Variants in NSMF observed in about 807,000 individuals in gnomAD.
NSMF encodes the protein nasal embryonic LHRH factor.
NSMF carries 31 observed loss-of-function variants against 71.0 expected under a neutral mutation model. That is an observed-to-expected ratio of 0.44 (90% CI 0.33 to 0.59). The LOEUF (loss-of-function observed/expected upper bound fraction) is 0.59. NSMF is among the 20% of genes least tolerant of loss of function. The pLI, the probability that NSMF is intolerant of heterozygous loss-of-function variation, is 0.04. For missense variants in NSMF, 673 were observed against 740.5 expected, an observed-to-expected ratio of 0.91 and a Z score of 1.06; for synonymous variants, 345 against 287.1, an observed-to-expected ratio of 1.20 and a Z score of -2.04.
chr9:137,455,760 C>A, intron 4 of NSMF, 126 bp from the exon 5 acceptor site: 3 of 1,013,730 alleles, frequency 3.0e-6, no homozygotes, highest in Non-Finnish European at 4.5e-6. Context: ...AGGTCCCTCA[C>A]AGGTAACCCA....
chr9:137,450,073 C>A (rs761958121), intron 13 of NSMF, 48 bp from the exon 14 acceptor site: 1 of 1,592,896 alleles, frequency 6.3e-7, no homozygotes, highest in Non-Finnish European at 8.6e-7. Context: ...AGGCACCCCA[C>A]TCCACAGAGC....
Position 137,456,329 on chromosome 9 carries a change from G to A in NSMF, c.704+82C>T, listed in dbSNP as rs764802220. The A allele has an allele frequency of 2.6e-5, 30 of 1,168,960 alleles. No homozygotes were observed. In the South Asian group the frequency reaches 3.5e-4, roughly 14 times the overall value. 72.4% of individuals were successfully genotyped at this position (1,168,960 alleles called of 1,614,324 possible). ...AGAAGCAGCCCCCCTGGTAGGCCCA[G>A]AGACTGGGAAAAAGTGCTGTTTCCT... On this transcript the variant is annotated intron_variant, in intron 4 of 15. Transcript: ENST00000371475.
Position 137,455,271 on chromosome 9 carries a change from T to C in NSMF, c.747A>G (p.Lys249=). The C allele has an allele frequency of 6.2e-7, 1 of 1,612,796 alleles. No individual in the cohort carries two copies. The highest frequency in any genetic ancestry group is 8.5e-7 in the Non-Finnish European group (1 of 1,179,912). Reference sequence around the variant, plus strand: ...TTACAGACGCGGAATCATTCTCCCGTTTCCGGCGCTTCCTCTCCGCGTAGC... The same window carrying C: ...TTACAGACGCGGAATCATTCTCCCGCTTCCGGCGCTTCCTCTCCGCGTAGC... ...FRGYAERKRR[K]RENDSASVIQ... Residue 249 remains lysine (K), a synonymous_variant, in exon 6 of 16, where the codon AAA becomes AAG. Transcript: ENST00000371475.
Position 137,449,223 on chromosome 9 carries a change from T to G in NSMF, c.*171A>C. The G allele has an allele frequency of 3.1e-6, 2 of 644,736 alleles. No individual in the cohort carries two copies. Among genetic ancestry groups the G allele is most frequent in the Non-Finnish European group, 5.6e-6 (2 of 358,176 alleles). The allele number at this position is 644,736 out of a possible 1,614,324, so 39.9% of individuals were successfully genotyped here. ...GGACTGCAGCCTCTGCGGCCACGGG[T>G]GCAGCGAGGACCGGAACCCACAGGG... is the stretch of plus-strand genomic sequence containing the variant. On this transcript the variant is annotated 3_prime_UTR_variant, in exon 16 of 16. Transcript: ENST00000371475.
At position 137,453,209 on chromosome 9, in the gene NSMF, C is replaced by T; in HGVS notation, c.923-29G>A. The T allele has an allele frequency of 6.2e-7, 1 of 1,611,258 alleles. No homozygotes were observed. The highest frequency in any genetic ancestry group is 8.5e-7 in the Non-Finnish European group (1 of 1,179,718). On this transcript the variant is annotated intron_variant, in intron 8 of 15. Transcript: ENST00000371475. The surrounding 1 kb of genome is among the most constrained non-coding windows in gnomAD (Gnocchi z 4.5). Reference sequence around the variant, plus strand: ...GGAAGCAAGAGGGTCACCAGGACAGCAGGCCCGGCAGCACCTCCTATCCTG... The same window carrying T: ...GGAAGCAAGAGGGTCACCAGGACAGTAGGCCCGGCAGCACCTCCTATCCTG...
intron 4 of NSMF, among the ~76,000 whole-genome samples, chr9:137,455,979 A>C (rs1337582020): frequency 6.6e-6 from 1 of 152,226 alleles, no homozygotes; most frequent in Non-Finnish European, 1.5e-5. Flanking sequence ...CCAGAACAGA[A>C]AAGCCAAATG....
At chr9:137,455,773 C>T in intron 4 of NSMF, 139 bp from the exon 5 acceptor site, 1 of 919,824 alleles carries the variant, frequency 1.1e-6, no homozygotes, top group Admixed American at 2.0e-5. Context: ...GTAACCCAGC[C>T]ACCAGCAGGA....
intron 7 of NSMF, 58 bp downstream of exon 7, chr9:137,454,333 A>G: frequency 6.7e-7 from 1 of 1,494,598 alleles, no homozygotes; most frequent in Non-Finnish European, 9.1e-7. Flanking sequence ...GCAGCAAGCA[A>G]AGCCCCAACC....
chr9:137,455,147 C>T, intron 6 of NSMF, 92 bp downstream of exon 6: 1 of 1,357,088 alleles, frequency 7.4e-7, no homozygotes, highest in Non-Finnish European at 1.1e-6. Context: ...CACCACCCTT[C>T]CCCCATCAGG....
rs1830652662 is a variant in NSMF at position 137,453,493 on chromosome 9, C to T, written c.922+238G>A. Reference sequence around the variant, plus strand: ...CGCAGCCCCCTGCCCCTGAGGGCCTCTTGCGAGTGGCGGTGGGCACGGCCC... The same window carrying T: ...CGCAGCCCCCTGCCCCTGAGGGCCTTTTGCGAGTGGCGGTGGGCACGGCCC... On this transcript the variant is annotated intron_variant, in intron 8 of 15. Transcript: ENST00000371475. The surrounding 1 kb of genome is among the most constrained non-coding windows in gnomAD (Gnocchi z 4.5). 2 of 597,978 alleles carry T rather than the reference C, an allele frequency of 3.3e-6. No homozygotes were observed. The highest frequency in any genetic ancestry group is 2.0e-5 in the South Asian group (1 of 49,954). The allele number at this position is 597,978 out of a possible 1,614,324, so 37.0% of individuals were successfully genotyped here.
In NSMF at chr9:137,458,563, G is replaced by C; in HGVS notation, c.72-14C>G. The C allele has an allele frequency of 1.3e-6, 2 of 1,588,414 alleles. No homozygotes were observed. Among genetic ancestry groups the C allele is most frequent in the Non-Finnish European group, 1.7e-6 (2 of 1,169,654 alleles). On this transcript the variant is annotated splice_polypyrimidine_tract_variant and intron_variant, in intron 1 of 15. Coordinates refer to ENST00000371475, the MANE Select transcript of NSMF (RefSeq NM_001130969.3). ...GCTCGGGCTGCTCTGAGGGTGGACA[G>C]AGGGCACGGTCAGAGGCCACGGCAC... is the stretch of plus-strand genomic sequence containing the variant.
At position 137,454,664 on chromosome 9, in the gene NSMF, T is replaced by G. The variant is rs760809934; in HGVS notation, c.780-221A>C. 1.2e-5 allele frequency: 19 copies of G among 1,529,018 alleles called. No homozygotes were observed. The South Asian group carries it at 2.3e-4, about 18-fold the overall frequency. The allele number at this position is 1,529,018 out of a possible 1,614,324, so 94.7% of individuals were successfully genotyped here. ...CTCCCCTTCAACTCCAGAACAAAGGTGCAGTGCCTGGCGCTCTGGATCAAG... is the reference window on the plus strand; with the variant it reads ...CTCCCCTTCAACTCCAGAACAAAGGGGCAGTGCCTGGCGCTCTGGATCAAG... On this transcript the variant is annotated intron_variant, in intron 6 of 15. Transcript: ENST00000371475.
chr9:137,449,856 G>C, intron 14 of NSMF, 67 bp downstream of exon 14: 1 of 1,418,532 alleles, frequency 7.0e-7, no homozygotes, highest in Middle Eastern at 1.8e-4. Flanking sequence ...AACATGGAAG[G>C]CTCTGCCCTG....
intron 14 of NSMF, 48 bp downstream of exon 14, chr9:137,449,875 C>A: frequency 6.7e-7 from 1 of 1,502,134 alleles, no homozygotes; most frequent in South Asian, 1.1e-5. Flanking sequence ...TGTCTGTCCA[C>A]GTCGGGGGTT....
chr9:137,450,326 A>G, intron 12 of NSMF, 71 bp from the exon 13 acceptor site: 32 of 1,250,224 alleles, frequency 2.6e-5, no homozygotes, highest in Non-Finnish European at 3.6e-5. Flanking sequence ...ACCCACGCAC[A>G]TGCGTGGGAG....
Position 137,453,148 on chromosome 9 carries a change from C to T in NSMF, c.955G>A (p.Asp319Asn), listed in dbSNP as rs1830627965. 1 of 1,612,558 alleles carries T rather than the reference C, an allele frequency of 6.2e-7. No homozygotes were observed. Among genetic ancestry groups the T allele is most frequent in the Admixed American group, 1.7e-5 (1 of 60,006 alleles). ...CAGTCCAGGTCCTCGAAGGCCTCGTCCAGCGTGCAGTGGGAGCTCTGCAGG... is the reference window on the plus strand; with the variant it reads ...CAGTCCAGGTCCTCGAAGGCCTCGTTCAGCGTGCAGTGGGAGCTCTGCAGG... ...SDLQSSHCTL[D>N]EAFEDLDWDT... Residue 319 changes from aspartate to asparagine, a missense_variant, in exon 9 of 16, where the codon GAC (aspartate) becomes AAC (asparagine). Physicochemically the swap from Asp to Asn is conservative, Grantham distance 23. Around this residue, in one of 2 missense-constraint regions of NSMF, gnomAD observed 202 missense variants for 280.8 expected, o/e 0.72. Transcript: ENST00000371475. This position sits in a 1 kb window ranked among gnomAD's most constrained non-coding sequence, Gnocchi z 4.5.
In NSMF at chr9:137,449,672, C is replaced by G. The variant is rs200665736; in HGVS notation, c.1422G>C (p.Leu474=). Reference sequence around the variant, plus strand: ...TCATGAGGGTCCTGAGGTTCTGGAACAGCTGGAGGAAGCGGGGTGCCATGA... The same window carrying G: ...TCATGAGGGTCCTGAGGTTCTGGAAGAGCTGGAGGAAGCGGGGTGCCATGA... ...YILGNPNGEK[L]FQNLRTLMTP... Residue 474 remains leucine, a splice_region_variant and synonymous_variant, in exon 15 of 16, where the codon CTG becomes CTC. Coordinates refer to ENST00000371475, the MANE Select transcript of NSMF (RefSeq NM_001130969.3). 6.2e-7 allele frequency: 1 copy of G among 1,612,296 alleles called. No individual in the cohort carries two copies. Among genetic ancestry groups the G allele is most frequent in the African/African-American group, 1.3e-5 (1 of 75,006 alleles).
At position 137,448,532 on chromosome 9, in the gene NSMF, T is replaced by G. The variant is rs531540379; in HGVS notation, c.*862A>C. 6.6e-6 allele frequency: 1 copy of G among 150,802 alleles called. No homozygotes were observed. Among genetic ancestry groups the G allele is most frequent in the East Asian group, 2.0e-4 (1 of 5,118 alleles). 9.3% of individuals were successfully genotyped at this position (150,802 alleles called of 1,614,324 possible). A position where few individuals can be genotyped will look rare whatever the true frequency, so the allele number is the denominator to read the frequency against. Reference sequence around the variant, plus strand: ...TCAAAACCCAGGGCCCAGCCCCAGCTGGGCCCCTGCCAAGCCCCAGGCCTG... The same window carrying G: ...TCAAAACCCAGGGCCCAGCCCCAGCGGGGCCCCTGCCAAGCCCCAGGCCTG... On this transcript the variant is annotated 3_prime_UTR_variant, in exon 16 of 16. Transcript: ENST00000371475. This position sits in a 1 kb window ranked among gnomAD's most constrained non-coding sequence, Gnocchi z 5.3.
Position 137,454,551 on chromosome 9 carries a change from G to A in NSMF, c.780-108C>T, listed in dbSNP as rs1348342644. ...CTCTACTCTCACCCCTTCGGTGTGG[G>A]AAGCCAGTGCTCTCCCTGGCTCCTG... On this transcript the variant is annotated intron_variant, in intron 6 of 15. Transcript: ENST00000371475. 7 of 1,549,006 alleles carry A rather than the reference G, an allele frequency of 4.5e-6. No homozygotes were observed. The Admixed American group carries it at 1.4e-4, about 30-fold the overall frequency.
Sources: gnomAD v4.1 joint callset for allele counts (sites outside exome capture counted in the v4.1 genomes callset) on GRCh38, gnomAD v4.1.1 for gene constraint, gnomAD v4.1.1 regional missense constraint, Gnocchi (gnomAD v3.1) non-coding constraint, MANE v1.5 for transcripts, NCBI Gene and HGNC (gene_info 2026-07-23, HGNC 2026-07-21) for gene names.